Variants in SNX8 observed in about 807,000 individuals in gnomAD.
SNX8 encodes sorting nexin 8, also known as sorting nexin-8.
Under a neutral mutation model 51.6 loss-of-function variants are expected in SNX8, and 25 were observed. That is an observed-to-expected ratio of 0.48 (90% CI 0.35 to 0.68). The LOEUF is 0.68. Ranked by LOEUF, SNX8 falls within the 30% of genes least tolerant of loss-of-function variation. The probability of loss-of-function intolerance (pLI) is 0.00; values close to 1 mark genes in which losing one functional copy is unlikely to be tolerated. For synonymous variants in SNX8, 324 were observed against 277.0 expected, an observed-to-expected ratio of 1.17 and a Z score of -1.68; for missense variants, 695 against 624.0, an observed-to-expected ratio of 1.11 and a Z score of -1.21.
intron 1 of SNX8, 77 bp downstream of exon 1, chr7:2,314,251 G>A (rs920420411): frequency 6.6e-6 from 8 of 1,206,146 alleles, no homozygotes; most frequent in Non-Finnish European, 8.2e-6. Context: ...CAAGCGCGGC[G>A]GCTGAGCCCC....
upstream of SNX8, among the ~76,000 whole-genome samples, chr7:2,319,420 G>C (rs1796800694): frequency 6.6e-6 from 1 of 152,220 alleles, no homozygotes; most frequent in South Asian, 2.1e-4. Context: ...AGCACTTTGG[G>C]AGGCAGAGGT....
At chr7:2,336,573 T>A (rs1778834285) in intron 1 of SNX8, among the ~76,000 whole-genome samples, 1 of 151,874 alleles carries the variant, frequency 6.6e-6, no homozygotes, top group South Asian at 2.1e-4. Flanking sequence ...CTGGGCATGG[T>A]GGTGCGCACC....
intron 3 of SNX8, among the ~76,000 whole-genome samples, chr7:2,272,217 C>T (rs1180867020): frequency 6.6e-6 from 1 of 152,224 alleles, no homozygotes; most frequent in Non-Finnish European, 1.5e-5. Context: ...AGGAAAACCA[C>T]AGATCTGCTT....
At chr7:2,284,019 T>C (rs1221695287) in intron 1 of SNX8, among the ~76,000 whole-genome samples, 2 of 152,136 alleles carry the variant, frequency 1.3e-5, no homozygotes, top group Non-Finnish European at 2.9e-5. Context: ...TGTCCTGAAC[T>C]CCTGACCTCA....
At chr7:2,262,648 T>C (rs914122001) in intron 7 of SNX8, among the ~76,000 whole-genome samples, 1 of 152,186 alleles carries the variant, frequency 6.6e-6, no homozygotes, top group African/African-American at 2.4e-5. Context: ...GATCATCTTT[T>C]CAAAGACAGA....
chr7:2,277,400 C>T (rs866219583), intron 2 of SNX8, among the ~76,000 whole-genome samples: 18 of 152,254 alleles, frequency 1.2e-4, no homozygotes, highest in Middle Eastern at 3.4e-3. Context: ...GGTCCGGAGT[C>T]GATGGGGCTG....
At chr7:2,352,828 T>G (rs1370894406) in intron 1 of SNX8, among the ~76,000 whole-genome samples, 1 of 150,334 alleles carries the variant, frequency 6.7e-6, no homozygotes, top group Admixed American at 6.6e-5. Flanking sequence ...AGAGCAACAC[T>G]CCGTCTAAAT....
intron 1 of SNX8, among the ~76,000 whole-genome samples, chr7:2,349,581 A>T (rs1299634255): frequency 1.3e-5 from 2 of 150,404 alleles, no homozygotes; most frequent in Admixed American, 1.3e-4. Context: ...AGAAGCTGGG[A>T]CTACAGGAGC....
intron 1 of SNX8, among the ~76,000 whole-genome samples, chr7:2,343,217 C>A (rs1177523411): frequency 1.3e-5 from 2 of 151,982 alleles, no homozygotes; most frequent in Non-Finnish European, 2.9e-5. Flanking sequence ...AGGCATGAGC[C>A]ACCGCACCTG....
rs966684884 is a variant in SNX8, at chr7:2,278,383, C to T, written c.95-78G>A. On this transcript the variant is annotated intron_variant, in intron 1 of 10. Coordinates refer to ENST00000222990, the MANE Select transcript of SNX8 (RefSeq NM_013321.4). The stretch of plus-strand genomic sequence containing the variant: ...CCTTGGCTGGGCACAGTGGCGCAGC[C>T]CTGTAATCCCAGCACTTTGGGAGGC... 8 of 903,684 alleles carry T rather than the reference C, an allele frequency of 8.9e-6. No homozygotes were observed. In the South Asian group the frequency reaches 1.2e-4, roughly 14 times the overall value. 56.0% of individuals were successfully genotyped at this position (903,684 alleles called of 1,614,324 possible).
intron 1 of SNX8, among the ~76,000 whole-genome samples, chr7:2,299,939 TG>T (rs1271463538): frequency 6.6e-6 from 1 of 152,146 alleles, no homozygotes; most frequent in Non-Finnish European, 1.5e-5. Context: ...AAACCTTGAT[TG>T]ATCTATGGCA....
intron 1 of SNX8, among the ~76,000 whole-genome samples, chr7:2,341,637 A>G (rs1395092999): frequency 6.6e-6 from 1 of 151,986 alleles, no homozygotes; most frequent in Non-Finnish European, 1.5e-5. Context: ...TCACCACTTC[A>G]CTCCAACCTG....
Position 2,306,253 on chromosome 7 carries a change from G to A in SNX8, c.94+8075C>T, listed in dbSNP as rs529855116. The stretch of plus-strand genomic sequence containing the variant: ...AGCAATTCTCCTTCCTCAGGCTCCC[G>A]AGTAGCTGGGATTACAGGCGCATGC... On this transcript the variant is annotated intron_variant, in intron 1 of 10. Coordinates refer to ENST00000222990, the MANE Select transcript of SNX8 (RefSeq NM_013321.4). 5.3e-5 allele frequency among the ~76,000 whole-genome samples: 8 copies of A among 152,062 alleles called. No individual in the cohort carries two copies. In the East Asian group the frequency reaches 1.2e-3, roughly 22 times the overall value.
At chr7:2,323,541 C>A in intron 1 of SNX8, among the ~76,000 whole-genome samples, 1 of 152,134 alleles carries the variant, frequency 6.6e-6, no homozygotes, top group Middle Eastern at 3.4e-3. Context: ...GATCACAGAG[C>A]GGCCACCATC....
In SNX8 at chr7:2,254,868, T is replaced by C. The variant is rs1389061936; in HGVS notation, c.*188A>G. The C allele has an allele frequency of 9.7e-6, 6 of 620,810 alleles. No homozygotes were observed. In the East Asian group the frequency reaches 1.7e-4, roughly 17 times the overall value. 38.5% of individuals were successfully genotyped at this position (620,810 alleles called of 1,614,324 possible). On this transcript the variant is annotated 3_prime_UTR_variant, in exon 11 of 11. Transcript: ENST00000222990. ...TAGCAGGCCACAGGGCGAAGGACAG[T>C]GTGGCCCAGCTGCCCCCATGGTCCA...
intron 3 of SNX8, among the ~76,000 whole-genome samples, chr7:2,274,544 G>T (rs929991440): frequency 6.6e-6 from 1 of 152,262 alleles, no homozygotes; most frequent in Non-Finnish European, 1.5e-5. Flanking sequence ...CTCTGAGGTC[G>T]TCTGCGATCT....
intron 1 of SNX8, among the ~76,000 whole-genome samples, chr7:2,284,529 T>A (rs1795978411): frequency 6.7e-6 from 1 of 149,250 alleles, no homozygotes; most frequent in Admixed American, 6.8e-5. Context: ...AGCCTCCTAC[T>A]GAGTAGCAGG....
chr7:2,302,872 C>A (rs1796435053), intron 1 of SNX8, among the ~76,000 whole-genome samples: 1 of 151,378 alleles, frequency 6.6e-6, no homozygotes, highest in African/African-American at 2.4e-5. Context: ...CTGGCAACCG[C>A]CCCGTCTGAG....
At chr7:2,347,702 G>C (rs1345217075) in intron 1 of SNX8, among the ~76,000 whole-genome samples, 1 of 150,480 alleles carries the variant, frequency 6.6e-6, no homozygotes, top group African/African-American at 2.4e-5. Context: ...CTGGAGTGCA[G>C]TGGTGTGATC....
Sources: gnomAD v4.1 joint callset for allele counts (sites outside exome capture counted in the v4.1 genomes callset) on GRCh38, gnomAD v4.1.1 for gene constraint, MANE v1.5 for transcripts, NCBI Gene and HGNC (gene_info 2026-07-23, HGNC 2026-07-21) for gene names.